Variants in NBEAL1 observed in about 807,000 individuals in gnomAD.
The protein encoded by NBEAL1 is neurobeachin like 1, also known as neurobeachin-like protein 1.
In NBEAL1, 273 loss-of-function variants were observed where a neutral mutation model predicts 351.3. That is an observed-to-expected ratio of 0.78 (90% CI 0.70 to 0.86). The LOEUF is 0.86. Ranked by LOEUF, NBEAL1 falls within the 40% of genes least tolerant of loss-of-function variation. The pLI, the probability that NBEAL1 is intolerant of heterozygous loss-of-function variation, is 0.00. For missense variants in NBEAL1, 2,961 were observed against 3,201.3 expected (o/e 0.92, Z 1.81); for synonymous variants, 1,050 against 1,086.4 (o/e 0.97, Z 0.66).
intron 51 of NBEAL1, among the ~76,000 whole-genome samples, chr2:203,204,734 C>T (rs1369388340): frequency 6.6e-6 from 1 of 151,956 alleles, no homozygotes; most frequent in Non-Finnish European, 1.5e-5. Context: ...GTGATACTTA[C>T]TTCAAATTAT....
At chr2:203,140,996 T>A (rs186193758) in intron 31 of NBEAL1, among the ~76,000 whole-genome samples, 331 of 151,710 alleles carry the variant, frequency 2.2e-3, no homozygotes, top group African/African-American at 6.2e-3. Context: ...ATAAATTAAT[T>A]AATTAATTAA....
chr2:203,177,462 A>G (rs2064545442), intron 42 of NBEAL1, among the ~76,000 whole-genome samples: 1 of 152,158 alleles, frequency 6.6e-6, no homozygotes, highest in South Asian at 2.1e-4. Flanking sequence ...ACAGATCTAA[A>G]TAAACATTTC....
intron 2 of NBEAL1, among the ~76,000 whole-genome samples, chr2:203,030,614 T>G (rs557837433): frequency 2.6e-4 from 40 of 152,174 alleles, no homozygotes; most frequent in Non-Finnish European, 5.0e-4. Context: ...GCAAACACAC[T>G]TAACTCTCCT....
At position 203,016,374 on chromosome 2, in the gene NBEAL1, T is replaced by TA; in HGVS notation, c.-11_-10insA. 1 of 1,476,402 alleles carries TA rather than the reference T, an allele frequency of 6.8e-7. No individual in the cohort carries two copies. The highest frequency in any genetic ancestry group is 9.1e-7 in the Non-Finnish European group (1 of 1,096,392). 91.5% of individuals were successfully genotyped at this position (1,476,402 alleles called of 1,614,324 possible). ...TTAAGGAAAACTTAAAGTGCCAGAG[T>TA]GAAAGCCAGAATGGCATCCAGAGAG... On this transcript the variant is annotated 5_prime_UTR_variant, in exon 2 of 56. Coordinates refer to ENST00000683969, the MANE Select transcript of NBEAL1 (RefSeq NM_001378026.1).
intron 36 of NBEAL1, among the ~76,000 whole-genome samples, chr2:203,164,725 CACTAAAA>C (rs1213709702): frequency 6.6e-6 from 1 of 152,054 alleles, no homozygotes; most frequent in Non-Finnish European, 1.5e-5. Flanking sequence ...CATGGAAACC[CACTAAAA>C]ATAAAATTAG....
intron 10 of NBEAL1, among the ~76,000 whole-genome samples, chr2:203,096,561 A>T (rs187966206): frequency 2.6e-5 from 4 of 152,310 alleles, no homozygotes; most frequent in African/African-American, 9.6e-5. Context: ...TGAAACTAAA[A>T]TACTTGATTT....
intron 2 of NBEAL1, chr2:203,040,861 G>A: frequency 2.3e-6 from 1 of 435,218 alleles, no homozygotes; most frequent in Non-Finnish European, 4.4e-6. Context: ...TGGCTATCGG[G>A]GTGAATGCAT....
intron 10 of NBEAL1, among the ~76,000 whole-genome samples, chr2:203,087,308 G>C (rs767855292): frequency 4.0e-5 from 6 of 150,920 alleles, no homozygotes; most frequent in Non-Finnish European, 7.4e-5. Context: ...GGCCAGGCTG[G>C]TCTGGAACTC....
chr2:203,082,925 T>A (rs1339198359), intron 8 of NBEAL1, among the ~76,000 whole-genome samples: 1 of 152,218 alleles, frequency 6.6e-6, no homozygotes, highest in East Asian at 1.9e-4. Flanking sequence ...GGTCCTTCCC[T>A]TTTTGTTTAT....
rs1319675207 is a variant in NBEAL1, at chr2:203,208,740, T to C, written c.7610T>C (p.Val2537Ala). ...ATCAGCACTGAGCTAGACATGGCAG[T>C]GTCAGGATCAAGGGTAAGATTTCAC... ...VGISTELDMAVSGSRDGTVII... is the reference protein window; with the variant it reads ...VGISTELDMAASGSRDGTVII... The change falls in exon 52 of 56, where the codon GTG becomes GCG. Residue 2537 changes from valine to alanine, a missense_variant. Physicochemically the swap from Val to Ala is moderately conservative, Grantham distance 64. Coordinates refer to ENST00000683969, the MANE Select transcript of NBEAL1 (RefSeq NM_001378026.1). 1.3e-6 allele frequency: 2 copies of C among 1,594,388 alleles called. No homozygotes were observed. Among genetic ancestry groups the C allele is most frequent in the East Asian group, 4.5e-5 (2 of 44,706 alleles).
At chr2:203,071,533 GCCCCCCCAT>G (rs2106135088) in intron 7 of NBEAL1, among the ~76,000 whole-genome samples, 1 of 151,970 alleles carries the variant, frequency 6.6e-6, no homozygotes, top group African/African-American at 2.4e-5. Flanking sequence ...CTCTGTCCTT[GCCCCCCCAT>G]TCATGTACTT....
chr2:203,090,692 T>C (rs926816300), intron 10 of NBEAL1, among the ~76,000 whole-genome samples: 1 of 152,014 alleles, frequency 6.6e-6, no homozygotes, highest in African/African-American at 2.4e-5. Context: ...AGTTCCAGAC[T>C]AGCCTGGCCA....
At chr2:203,127,462 G>A (rs1201283007) in intron 23 of NBEAL1, among the ~76,000 whole-genome samples, 1 of 152,196 alleles carries the variant, frequency 6.6e-6, no homozygotes, top group Non-Finnish European at 1.5e-5. Context: ...GGTGGCTCAC[G>A]CCTGTAATCC....
intron 6 of NBEAL1, among the ~76,000 whole-genome samples, chr2:203,066,524 A>T (rs542821109): frequency 1.1e-3 from 167 of 151,308 alleles, no homozygotes; most frequent in African/African-American, 3.9e-3. Context: ...TTTTCCCCAC[A>T]TTTCCCCCTT....
chr2:203,135,853 A>G lies in NBEAL1; in HGVS notation c.3990A>G (p.Glu1330=). 1.9e-6 allele frequency: 3 copies of G among 1,614,114 alleles called. No homozygotes were observed. The highest frequency in any genetic ancestry group is 2.5e-6 in the Non-Finnish European group (3 of 1,180,000). The part of the protein sequence containing the change: ...MKDNDKNMST[E]DTKKNSDEKT... ...ACAATGATAAAAATATGTCAACTGA[A>G]GATACCAAGAAGAACTCTGATGAAA... Residue 1330 remains glutamate, a synonymous_variant, in exon 28 of 56, where the codon GAA becomes GAG. Coordinates refer to ENST00000683969, the MANE Select transcript of NBEAL1 (RefSeq NM_001378026.1).
chr2:203,075,599 A>G (rs1246837184), intron 7 of NBEAL1, among the ~76,000 whole-genome samples: 2 of 152,192 alleles, frequency 1.3e-5, no homozygotes, highest in Non-Finnish European at 2.9e-5. Context: ...TTTCTGGAGC[A>G]CTTCCTCTGT....
At chr2:203,113,881 G>A (rs559385243) in intron 17 of NBEAL1, among the ~76,000 whole-genome samples, 2 of 149,376 alleles carry the variant, frequency 1.3e-5, no homozygotes, top group East Asian at 4.0e-4. Flanking sequence ...GAGTGCAATG[G>A]CGCGATCCCG....
chr2:203,177,150 CA>C (rs201081239), intron 42 of NBEAL1, among the ~76,000 whole-genome samples: 3,025 of 60,330 alleles, frequency 0.05, 42 homozygotes, highest in East Asian at 0.14. Flanking sequence ...AGCTCTATCT[CA>C]AAAAAAAAAA....
chr2:203,070,991 T>G (rs939951830), intron 7 of NBEAL1, among the ~76,000 whole-genome samples: 6 of 152,242 alleles, frequency 3.9e-5, no homozygotes, highest in Non-Finnish European at 7.3e-5. Flanking sequence ...CTTGAACTCC[T>G]GGCCTCTAGT....
Sources: allele counts gnomAD v4.1 joint callset (sites outside exome capture counted in the v4.1 genomes callset), GRCh38; gene constraint gnomAD v4.1.1; transcripts MANE v1.5; gene names NCBI Gene and HGNC (gene_info 2026-07-23, HGNC 2026-07-21).